The following LIN52 variants were observed in gnomAD, a reference collection of about 807,000 sequenced individuals.
The protein encoded by LIN52 is lin-52 DREAM MuvB core complex component.
A neutral mutation model predicts 18.5 loss-of-function variants in LIN52; 4 were observed. That is an observed-to-expected ratio of 0.22 (90% CI 0.11 to 0.49). LIN52 has a LOEUF of 0.49. LIN52 is among the 20% of genes least tolerant of loss of function. The pLI, the probability that LIN52 is intolerant of heterozygous loss-of-function variation, is 0.97. For missense variants in LIN52, 102 were observed against 139.5 expected (o/e 0.73, Z 1.35); for synonymous variants, 34 against 45.5 (o/e 0.75, Z 1.02).
At chr14:74,097,437 T>G (rs1416981950) in intron 3 of LIN52, among the ~76,000 whole-genome samples, 1 of 150,582 alleles carries the variant, frequency 6.6e-6, no homozygotes, top group East Asian at 1.9e-4. Context: ...TTTTTTTTTT[T>G]TTTTTTGAGA....
chr14:74,109,578 G>T (rs552607184), intron 5 of LIN52, among the ~76,000 whole-genome samples: 47 of 152,316 alleles, frequency 3.1e-4, no homozygotes, highest in African/African-American at 1.0e-3. Context: ...CTTGCTTACT[G>T]TAGCTTTGTA....
chr14:74,112,590 A>T (rs1417227665), intron 5 of LIN52, among the ~76,000 whole-genome samples: 5 of 152,200 alleles, frequency 3.3e-5, no homozygotes, highest in Non-Finnish European at 7.3e-5. Context: ...ATGCTCTATT[A>T]CATTAAACAG....
At chr14:74,168,918 G>A (rs1230243365) in intron 5 of LIN52, among the ~76,000 whole-genome samples, 5 of 151,994 alleles carry the variant, frequency 3.3e-5, no homozygotes, top group South Asian at 2.1e-4. Flanking sequence ...AAAAATTAGC[G>A]GGGCATGGTG....
intron 5 of LIN52, among the ~76,000 whole-genome samples, chr14:74,175,770 C>T (rs1221864283): frequency 6.9e-6 from 1 of 145,254 alleles, no homozygotes; most frequent in Non-Finnish European, 1.5e-5. Flanking sequence ...TACAGCTATA[C>T]CAAAATCTTC....
At chr14:74,130,283 T>TTG (rs2061056514) in intron 5 of LIN52, among the ~76,000 whole-genome samples, 1 of 127,356 alleles carries the variant, frequency 7.9e-6, no homozygotes, top group African/African-American at 3.1e-5. Context: ...TTTTGGTTTT[T>TTG]TTTTTTTTTT....
At chr14:74,187,039 T>G (rs1238422933) in intron 5 of LIN52, among the ~76,000 whole-genome samples, 1 of 152,104 alleles carries the variant, frequency 6.6e-6, no homozygotes, top group African/African-American at 2.4e-5. Flanking sequence ...ATTGCACCAC[T>G]GTACTCCAGC....
At chr14:74,097,496 T>C (rs1215845865) in intron 3 of LIN52, among the ~76,000 whole-genome samples, 2 of 151,356 alleles carry the variant, frequency 1.3e-5, no homozygotes, top group African/African-American at 4.9e-5. Flanking sequence ...CAATCTTGGT[T>C]CACTGCAACC....
intron 5 of LIN52, among the ~76,000 whole-genome samples, chr14:74,172,883 T>C (rs926230851): frequency 1.3e-5 from 2 of 152,214 alleles, no homozygotes; most frequent in Non-Finnish European, 2.9e-5. Flanking sequence ...TGCTAACTTG[T>C]TTAGTGAGTT....
chr14:74,175,431 C>T (rs2061288555), intron 5 of LIN52, among the ~76,000 whole-genome samples: 1 of 151,458 alleles, frequency 6.6e-6, no homozygotes, highest in African/African-American at 2.4e-5. Context: ...ATGATCAGGC[C>T]ACCATACTCC....
At chr14:74,089,430 G>A (rs1229179528) in intron 1 of LIN52, among the ~76,000 whole-genome samples, 1 of 150,436 alleles carries the variant, frequency 6.6e-6, no homozygotes, top group African/African-American at 2.4e-5. Context: ...GTGCAGTGGT[G>A]TGACCTTAGC....
chr14:74,157,035 CTT>C (rs71115964), intron 5 of LIN52, among the ~76,000 whole-genome samples: 3 of 138,314 alleles, frequency 2.2e-5, no homozygotes, highest in Non-Finnish European at 1.5e-5. Flanking sequence ...TTTTCTTTTT[CTT>C]TTTTTTTTTT....
At chr14:74,096,951 T>G (rs563757743) in intron 3 of LIN52, among the ~76,000 whole-genome samples, 9 of 152,322 alleles carry the variant, frequency 5.9e-5, no homozygotes, top group Non-Finnish European at 1.0e-4. Flanking sequence ...GAATGGGCTT[T>G]CTTTCATAGT....
intron 5 of LIN52, among the ~76,000 whole-genome samples, chr14:74,107,000 CA>C (rs2060900765): frequency 6.6e-6 from 1 of 152,222 alleles, no homozygotes; most frequent in South Asian, 2.1e-4. Context: ...GTGTGGCATT[CA>C]AAATCCTTTG....
At chr14:74,134,906 A>T (rs2139944057) in intron 5 of LIN52, among the ~76,000 whole-genome samples, 1 of 152,340 alleles carries the variant, frequency 6.6e-6, no homozygotes, top group Admixed American at 6.5e-5. Context: ...CCTTATAGTA[A>T]TTTTGAAAGA....
chr14:74,124,757 G>A (rs932061011), intron 5 of LIN52, among the ~76,000 whole-genome samples: 1 of 139,382 alleles, frequency 7.2e-6, no homozygotes, highest in Non-Finnish European at 1.5e-5. Flanking sequence ...GTTGCAGTGA[G>A]CCAAGATTGC....
chr14:74,197,693 T>A (rs2078922677), intron 5 of LIN52, among the ~76,000 whole-genome samples: 1 of 152,216 alleles, frequency 6.6e-6, no homozygotes, highest in East Asian at 1.9e-4. Flanking sequence ...TTTCCCTTTG[T>A]TGGGGCACAG....
At chr14:74,183,214 C>T (rs2061326627) in intron 5 of LIN52, among the ~76,000 whole-genome samples, 2 of 152,030 alleles carry the variant, frequency 1.3e-5, no homozygotes, top group African/African-American at 4.8e-5. Flanking sequence ...TCTCCTGCCT[C>T]AGCCTCCCAA....
At chr14:74,168,558 C>T (rs2061258844) in intron 5 of LIN52, among the ~76,000 whole-genome samples, 1 of 152,014 alleles carries the variant, frequency 6.6e-6, no homozygotes, top group Admixed American at 6.6e-5. Context: ...GTCCCAGCTA[C>T]TCGGGAGGCT....
At chr14:74,091,125 C>G (rs980907500) in intron 1 of LIN52, 107 bp from the exon 2 acceptor site, 5 of 702,656 alleles carry the variant, frequency 7.1e-6, no homozygotes, top group Non-Finnish European at 1.2e-5. Flanking sequence ...GAACTCATAT[C>G]TCTAGACTTC....
Sources: allele counts gnomAD v4.1 joint callset (sites outside exome capture counted in the v4.1 genomes callset), GRCh38; gene constraint gnomAD v4.1.1; transcripts MANE v1.5; gene names NCBI Gene and HGNC (gene_info 2026-07-23, HGNC 2026-07-21).